GUCY1A2: variants seen among roughly 807,000 people sequenced by gnomAD.
GUCY1A2 encodes the protein guanylate cyclase soluble subunit alpha-2.
GUCY1A2 carries 27 observed loss-of-function variants against 63.5 expected under a neutral mutation model. The observed-to-expected ratio is 0.43, with a 90% CI of 0.31 to 0.59. The LOEUF (loss-of-function observed/expected upper bound fraction) is 0.59. GUCY1A2 is among the 20% of genes least tolerant of loss of function. The probability of loss-of-function intolerance (pLI) is 0.11; values close to 1 mark genes in which losing one functional copy is unlikely to be tolerated. For synonymous variants in GUCY1A2, 364 were observed against 343.5 expected (o/e 1.06, Z -0.66); for missense variants, 768 against 913.3 (o/e 0.84, Z 2.05).
chr11:106,743,660 T>C (rs1863735726), intron 6 of GUCY1A2, among the ~76,000 whole-genome samples: 1 of 152,204 alleles, frequency 6.6e-6, no homozygotes, highest in African/African-American at 2.4e-5. Context: ...TGTATTTATT[T>C]TTCTGTATTT....
chr11:107,017,663 C>A lies in GUCY1A2; in HGVS notation c.303+90G>T, dbSNP rs547825426. ...CGGGCCGCCCCCCAGCGGTCGGGCT[C>A]TGCGCTCGCGCCCCGGCTCGCCCAG... On this transcript the variant is annotated intron_variant, in intron 1 of 7. Coordinates refer to ENST00000526355, the MANE Select transcript of GUCY1A2 (RefSeq NM_000855.3). 3.9e-5 allele frequency: 29 copies of A among 748,324 alleles called. No individual in the cohort carries two copies. In the African/African-American group the frequency reaches 4.6e-4, roughly 12 times the overall value. The allele number at this position is 748,324 out of a possible 1,614,324, so 46.4% of individuals were successfully genotyped here. A position where few individuals can be genotyped will look rare whatever the true frequency, so the allele number is the denominator to read the frequency against.
chr11:107,008,397 T>C (rs995830722), intron 1 of GUCY1A2, among the ~76,000 whole-genome samples: 19 of 151,526 alleles, frequency 1.3e-4, no homozygotes, highest in African/African-American at 4.6e-4. Context: ...GTTTAGAAAA[T>C]CTTAACGCAT....
rs565357597 is a variant in GUCY1A2, at chr11:106,752,721, G to T, written c.1836+23718C>A. ...TTTTTATGGCTGCATAGTATTCCTT[G>T]GTGCATATGTGCCACATTTTCTTTA... On this transcript the variant is annotated intron_variant, in intron 6 of 7. Coordinates refer to ENST00000526355, the MANE Select transcript of GUCY1A2 (RefSeq NM_000855.3). Among the ~76,000 whole-genome samples, 3 of 152,202 alleles carry T rather than the reference G, an allele frequency of 2.0e-5. No individual in the cohort carries two copies. In the East Asian group the frequency reaches 5.8e-4, roughly 29 times the overall value.
At chr11:106,764,364 G>C (rs1463394189) in intron 6 of GUCY1A2, among the ~76,000 whole-genome samples, 3 of 152,070 alleles carry the variant, frequency 2.0e-5, no homozygotes, top group Non-Finnish European at 2.9e-5. Context: ...TGGCAGTATA[G>C]GGTAATGGTT....
intron 4 of GUCY1A2, among the ~76,000 whole-genome samples, chr11:106,922,680 T>C (rs1860463489): frequency 1.3e-4 from 1 of 7,828 alleles, no homozygotes. Flanking sequence ...TATATATATA[T>C]ATATATATAT....
intron 1 of GUCY1A2, among the ~76,000 whole-genome samples, chr11:106,998,220 A>G (rs377714564): frequency 3.9e-5 from 6 of 152,308 alleles, no homozygotes; most frequent in East Asian, 3.9e-4. Flanking sequence ...TAAACTATGT[A>G]GTATTTCTGG....
At chr11:106,836,538 G>T (rs917410530) in intron 4 of GUCY1A2, among the ~76,000 whole-genome samples, 5 of 151,888 alleles carry the variant, frequency 3.3e-5, no homozygotes. Flanking sequence ...ACTTTTCTCT[G>T]CCTCAAGGAA....
intron 4 of GUCY1A2, among the ~76,000 whole-genome samples, chr11:106,845,261 A>G (rs1859254803): frequency 6.6e-6 from 1 of 151,412 alleles, no homozygotes; most frequent in Non-Finnish European, 1.5e-5. Context: ...AAAAACACTA[A>G]CAAAAATCCC....
intron 1 of GUCY1A2, among the ~76,000 whole-genome samples, chr11:106,992,153 C>A (rs1861477655): frequency 6.6e-6 from 1 of 151,986 alleles, no homozygotes. Context: ...GAGCACTTTA[C>A]AGTTTGTATT....
intron 1 of GUCY1A2, among the ~76,000 whole-genome samples, chr11:107,012,913 A>G (rs1048796327): frequency 2.6e-5 from 4 of 152,138 alleles, no homozygotes; most frequent in Non-Finnish European, 5.9e-5. Flanking sequence ...CATTGTCTAC[A>G]TGTTAGTTAC....
intron 1 of GUCY1A2, among the ~76,000 whole-genome samples, chr11:107,015,972 C>G (rs753053320): frequency 6.6e-6 from 1 of 151,990 alleles, no homozygotes. Flanking sequence ...AATATGTGTT[C>G]CTAAGAATTA....
In GUCY1A2 at chr11:106,675,055, C is replaced by G. The variant is rs757929345; in HGVS notation, c.*12494G>C. The G allele has an allele frequency of 1.4e-5, 3 of 212,010 alleles. No homozygotes were observed. The highest frequency in any genetic ancestry group is 6.8e-5 in the African/African-American group (3 of 44,024). 13.1% of individuals were successfully genotyped at this position (212,010 alleles called of 1,614,324 possible). A position where few individuals can be genotyped will look rare whatever the true frequency, so the allele number is the denominator to read the frequency against. On this transcript the variant is annotated 3_prime_UTR_variant, in exon 8 of 8. Coordinates refer to ENST00000526355, the MANE Select transcript of GUCY1A2 (RefSeq NM_000855.3). ...TAAAGTACTGTTTGGGAAATGAGACCCTTTGGTTTTGTAAAATGGCTACTC... is the reference window on the plus strand; with the variant it reads ...TAAAGTACTGTTTGGGAAATGAGACGCTTTGGTTTTGTAAAATGGCTACTC...
chr11:106,814,873 A>T (rs1354092224), intron 4 of GUCY1A2, among the ~76,000 whole-genome samples: 1 of 152,080 alleles, frequency 6.6e-6, no homozygotes, highest in African/African-American at 2.4e-5. Context: ...TATCAAAAAT[A>T]TAATAGAAAG....
chr11:106,836,487 A>G (rs1400430428), intron 4 of GUCY1A2, among the ~76,000 whole-genome samples: 1 of 152,016 alleles, frequency 6.6e-6, no homozygotes, highest in Non-Finnish European at 1.5e-5. Context: ...CGCAATATAC[A>G]GTACGTATAA....
At chr11:106,871,385 A>G (rs1287613906) in intron 4 of GUCY1A2, among the ~76,000 whole-genome samples, 1 of 152,158 alleles carries the variant, frequency 6.6e-6, no homozygotes, top group Non-Finnish European at 1.5e-5. Flanking sequence ...TAGATGTCCA[A>G]AAATCAAGGT....
intron 4 of GUCY1A2, among the ~76,000 whole-genome samples, chr11:106,883,976 T>G (rs899085965): frequency 1.3e-5 from 2 of 151,956 alleles, no homozygotes; most frequent in African/African-American, 4.8e-5. Context: ...CACTCATAGG[T>G]GGGAACTGAA....
At chr11:106,769,861 T>A (rs1370597476) in intron 6 of GUCY1A2, among the ~76,000 whole-genome samples, 1 of 152,066 alleles carries the variant, frequency 6.6e-6, no homozygotes, top group African/African-American at 2.4e-5. Flanking sequence ...TTTCTCCTTA[T>A]ATGTTTTTAA....
intron 4 of GUCY1A2, among the ~76,000 whole-genome samples, chr11:106,927,742 A>T (rs1172078338): frequency 1.3e-5 from 2 of 148,320 alleles, no homozygotes; most frequent in African/African-American, 2.5e-5. Context: ...TTTTTTTTTT[A>T]AATATATTTT....
chr11:106,919,219 A>G (rs561281847), intron 4 of GUCY1A2, among the ~76,000 whole-genome samples: 2 of 152,242 alleles, frequency 1.3e-5, no homozygotes, highest in South Asian at 4.1e-4. Context: ...GAAACATAAG[A>G]ATATATAATC....
Sources: allele counts gnomAD v4.1 joint callset (sites outside exome capture counted in the v4.1 genomes callset), GRCh38; gene constraint gnomAD v4.1.1; transcripts MANE v1.5; gene names NCBI Gene and HGNC (gene_info 2026-07-23, HGNC 2026-07-21).